The following UBXN7 variants were observed in gnomAD, a reference collection of about 807,000 sequenced individuals.
UBXN7 encodes the protein UBX domain protein 7.
In UBXN7, 9 loss-of-function variants were observed where a neutral mutation model predicts 58.0. That is an observed-to-expected ratio of 0.16 (90% confidence interval 0.09 to 0.27). The LOEUF is 0.27. Among genes scored for constraint, UBXN7 ranks in the 10% least tolerant of loss-of-function variants. UBXN7 has a pLI of 1.00. For synonymous variants in UBXN7, 208 were observed against 205.0 expected (o/e 1.01, Z -0.12); for missense variants, 328 against 599.6 (o/e 0.55, Z 4.73).
At chr3:196,363,484 G>C (rs949045911) in intron 8 of UBXN7, among the ~76,000 whole-genome samples, 4 of 150,944 alleles carry the variant, frequency 2.6e-5, no homozygotes, top group African/African-American at 9.8e-5. Flanking sequence ...GTGAAACCCC[G>C]CCTCTACTAA....
At chr3:196,392,341 A>C (rs918726393) in intron 4 of UBXN7, among the ~76,000 whole-genome samples, 3 of 145,078 alleles carry the variant, frequency 2.1e-5, no homozygotes, top group African/African-American at 8.1e-5. Flanking sequence ...GTTTCAACTA[A>C]AAATACAAAA....
chr3:196,432,016 CG>C (rs1220914946), intron 1 of UBXN7: 18 of 531,232 alleles, frequency 3.4e-5, no homozygotes, highest in Non-Finnish European at 4.5e-5. Flanking sequence ...CTACTCCTCC[CG>C]CCCCCGGGTC....
chr3:196,400,417 C>CAGTGTCGTA (rs1233843004), intron 3 of UBXN7: 1 of 152,538 alleles, frequency 6.6e-6, no homozygotes, highest in African/African-American at 2.4e-5. Flanking sequence ...AAGTCATTCT[C>CAGTGTCGTA]AGTGTCGTCC....
intron 8 of UBXN7, among the ~76,000 whole-genome samples, chr3:196,364,302 A>G (rs911693351): frequency 2.0e-5 from 3 of 152,216 alleles, no homozygotes; most frequent in Admixed American, 2.0e-4. Context: ...TGAACACTGG[A>G]TATTTCAGGA....
chr3:196,395,042 T>C (rs367563303), intron 3 of UBXN7, among the ~76,000 whole-genome samples: 171 of 152,338 alleles, frequency 1.1e-3, no homozygotes, highest in African/African-American at 3.9e-3. Context: ...AGATCATTTA[T>C]GTACATTACA....
chr3:196,361,772 C>G, intron 10 of UBXN7, 72 bp downstream of exon 10: 1 of 1,359,800 alleles, frequency 7.4e-7, no homozygotes, highest in Non-Finnish European at 1.0e-6. Flanking sequence ...TTATATGCAC[C>G]AGGAAACCAA....
chr3:196,407,506 G>C, intron 1 of UBXN7, 113 bp from the exon 2 acceptor site: 1 of 1,382,528 alleles, frequency 7.2e-7, no homozygotes, highest in South Asian at 1.6e-5. Flanking sequence ...TTCCCTTTTA[G>C]AATGAATGAC....
intron 5 of UBXN7, among the ~76,000 whole-genome samples, chr3:196,383,570 G>C (rs1729281091): frequency 6.6e-6 from 1 of 152,162 alleles, no homozygotes; most frequent in Non-Finnish European, 1.5e-5. Flanking sequence ...CTCAGCAAAT[G>C]CAAAAGAACA....
Position 196,368,065 on chromosome 3 carries a change from C to T in UBXN7, c.797G>A (p.Gly266Glu). Residue 266 changes from glycine (G) to glutamate (E), a missense_variant, in exon 8 of 11, where the codon GGA becomes GAA. This residue lies in a region of UBXN7 where 126 missense variants were observed against 302.6 expected (regional missense o/e 0.42). Transcript: ENST00000296328. ...GFLGEHGQLD[G>E]LSSSPPKKCA... ...TTTTTTGGGGGGACTGCTAGAAAGT[C>T]CATCCAGTTGTCCATGTTCACCCAG... 6.2e-7 allele frequency: 1 copy of T among 1,614,000 alleles called. No individual in the cohort carries two copies. The highest frequency in any genetic ancestry group is 8.5e-7 in the Non-Finnish European group (1 of 1,179,924).
At chr3:196,380,635 G>A (rs569219547) in intron 5 of UBXN7, among the ~76,000 whole-genome samples, 2 of 152,236 alleles carry the variant, frequency 1.3e-5, no homozygotes, top group Non-Finnish European at 2.9e-5. Context: ...GGTGGAGAGC[G>A]GGTGCAGCCC....
At chr3:196,385,826 G>A (rs10173981) in intron 5 of UBXN7, among the ~76,000 whole-genome samples, 1,508 of 148,628 alleles carry the variant, frequency 0.01, 15 homozygotes, top group African/African-American at 0.035. Flanking sequence ...CGGCCGCCCC[G>A]TCTGGGAAGT....
chr3:196,391,284 T>C lies in UBXN7; in HGVS notation c.468+529A>G, dbSNP rs1729574203. Among the ~76,000 whole-genome samples the C allele has an allele frequency of 1.3e-5, 2 of 152,186 alleles. 1 individual carries two copies. Among genetic ancestry groups the C allele is most frequent in the South Asian group, 4.1e-4 (2 of 4,834 alleles). On this transcript the variant is annotated intron_variant, in intron 5 of 10. Coordinates refer to ENST00000296328, the MANE Select transcript of UBXN7 (RefSeq NM_015562.2). ...GCACAAGGCTAATAAAAGGATTTCA[T>C]CAATCTCATATACTGCTGGTAGAAA...
chr3:196,413,699 T>C (rs1282561347), intron 1 of UBXN7, among the ~76,000 whole-genome samples: 2 of 152,202 alleles, frequency 1.3e-5, no homozygotes, highest in African/African-American at 4.8e-5. Flanking sequence ...ATCTCTTACA[T>C]GAATTACTGT....
intron 1 of UBXN7, among the ~76,000 whole-genome samples, chr3:196,415,505 G>A (rs532040924): frequency 1.3e-5 from 2 of 148,736 alleles, no homozygotes; most frequent in Non-Finnish European, 3.0e-5. Flanking sequence ...GGCTGGGTGC[G>A]GTGGCTCACA....
At chr3:196,418,484 A>T (rs983586488) in intron 1 of UBXN7, among the ~76,000 whole-genome samples, 1 of 152,186 alleles carries the variant, frequency 6.6e-6, no homozygotes, top group Non-Finnish European at 1.5e-5. Flanking sequence ...GTCTCATTCA[A>T]GTTGAACACT....
chr3:196,379,142 T>C (rs1397420021), intron 5 of UBXN7, among the ~76,000 whole-genome samples: 1 of 117,742 alleles, frequency 8.5e-6, no homozygotes, highest in Non-Finnish European at 1.7e-5. Context: ...CATGTTGGTT[T>C]TGGGGGGTTT....
At chr3:196,415,664 C>T (rs1399818338) in intron 1 of UBXN7, among the ~76,000 whole-genome samples, 2 of 151,682 alleles carry the variant, frequency 1.3e-5, no homozygotes, top group Non-Finnish European at 2.9e-5. Context: ...TGCCTGTAAT[C>T]CCAACTACTC....
chr3:196,431,683 CT>C, intron 1 of UBXN7: 1 of 314,914 alleles, frequency 3.2e-6, no homozygotes, highest in African/African-American at 2.3e-5. Flanking sequence ...GGGGTTCCCC[CT>C]CATTCTTCCC....
intron 3 of UBXN7, among the ~76,000 whole-genome samples, chr3:196,394,286 C>CA (rs34194652): frequency 0.26 from 22,708 of 88,040 alleles, 3,861 homozygotes; most frequent in East Asian, 0.82. Context: ...AACTCCATCT[C>CA]AAAAAAAAAA....
Sources: gnomAD v4.1 joint callset for allele counts (sites outside exome capture counted in the v4.1 genomes callset) on GRCh38, gnomAD v4.1.1 for gene constraint, gnomAD v4.1.1 regional missense constraint, MANE v1.5 for transcripts, NCBI Gene and HGNC (gene_info 2026-07-23, HGNC 2026-07-21) for gene names.